Variants in FGD6 observed in about 807,000 individuals in gnomAD.
The protein encoded by FGD6 is FYVE, RhoGEF and PH domain-containing protein 6.
FGD6 carries 90 observed loss-of-function variants against 149.4 expected under a neutral mutation model. The observed-to-expected ratio is 0.60, with a 90% CI of 0.51 to 0.72. The LOEUF (loss-of-function observed/expected upper bound fraction) is 0.72, where lower values mean the gene tolerates loss of function less well. FGD6 is among the 30% of genes least tolerant of loss of function. The pLI is 0.00. For missense variants in FGD6, 1,437 were observed against 1,684.8 expected, an observed-to-expected ratio of 0.85 and a Z score of 2.57; for synonymous variants, 527 against 584.0, an observed-to-expected ratio of 0.90 and a Z score of 1.41.
At chr12:95,158,604 CACGGAT>C (rs1478196888) in intron 3 of FGD6, among the ~76,000 whole-genome samples, 2 of 152,106 alleles carry the variant, frequency 1.3e-5, no homozygotes, top group Non-Finnish European at 2.9e-5. Flanking sequence ...CACACACACA[CACGGAT>C]AACTGTTATT....
intron 16 of FGD6, among the ~76,000 whole-genome samples, chr12:95,092,120 G>A (rs922955328): frequency 3.3e-5 from 5 of 152,194 alleles, no homozygotes; most frequent in Non-Finnish European, 7.3e-5. Flanking sequence ...GGCCTGTGAG[G>A]TATACTGATC....
chr12:95,158,067 C>T (rs368974433), intron 3 of FGD6, among the ~76,000 whole-genome samples: 1 of 151,628 alleles, frequency 6.6e-6, no homozygotes, highest in African/African-American at 2.4e-5. Context: ...AGCATGGTCT[C>T]GATCTCCTGA....
rs546577298 is a variant in FGD6, at chr12:95,097,843, T to C, written c.3498-3149A>G. ...CTCACTTGTAAGGATGCACACTGAA[T>C]TGAGGTGAAACATGTATTAACATAT... On this transcript the variant is annotated intron_variant, in intron 14 of 20. Transcript: ENST00000343958. Among the ~76,000 whole-genome samples, 18 of 152,226 alleles carry C rather than the reference T, an allele frequency of 1.2e-4. No homozygotes were observed. The South Asian group carries it at 3.5e-3, about 30-fold the overall frequency.
chr12:95,216,054 A>G (rs758587544), intron 1 of FGD6, among the ~76,000 whole-genome samples: 5 of 152,236 alleles, frequency 3.3e-5, no homozygotes, highest in Non-Finnish European at 5.9e-5. Flanking sequence ...ATAAGTGCAT[A>G]TAACATCAAA....
chr12:95,210,516 G>A lies in FGD6; in HGVS notation c.768C>T (p.Cys256=). The A allele has an allele frequency of 1.2e-6, 2 of 1,613,872 alleles. No homozygotes were observed. The highest frequency in any genetic ancestry group is 2.7e-5 in the African/African-American group (2 of 75,022). Reference sequence around the variant, plus strand: ...TATTGCTTTTTTCACTGTCATCCTGGCAAGTTTCAAAATGTTCACATTCAT... The same window carrying A: ...TATTGCTTTTTTCACTGTCATCCTGACAAGTTTCAAAATGTTCACATTCAT... ...PSDECEHFET[C]QDDSEKSNNC... Residue 256 remains cysteine (C), a synonymous_variant, in exon 2 of 21, where the codon TGC becomes TGT. Transcript: ENST00000343958.
Position 95,210,336 on chromosome 12 carries a change from C to G in FGD6, c.948G>C (p.Lys316Asn). Residue 316 changes from lysine (K) to asparagine (N), a missense_variant, in exon 2 of 21, where the codon AAG becomes AAC. Around this residue, in one of 2 missense-constraint regions of FGD6, gnomAD observed 1,055 missense variants for 1,146.0 expected, o/e 0.92. Coordinates refer to ENST00000343958, the MANE Select transcript of FGD6 (RefSeq NM_018351.4). ...VPYTPKFPTPKPRKTRTARLL... is the reference protein window; with the variant it reads ...VPYTPKFPTPNPRKTRTARLL... ...GACGAGCAGTTCGTGTCTTTCTGGG[C>G]TTGGGAGTTGGAAATTTTGGGGTAT... 1 of 1,613,872 alleles carries G rather than the reference C, an allele frequency of 6.2e-7. No homozygotes were observed. The highest frequency in any genetic ancestry group is 1.1e-5 in the South Asian group (1 of 90,968).
chr12:95,109,254 A>C (rs1878733414), intron 9 of FGD6, among the ~76,000 whole-genome samples: 1 of 152,184 alleles, frequency 6.6e-6, no homozygotes, highest in African/African-American at 2.4e-5. Context: ...TAAAGGAAAA[A>C]GTCTGCATTT....
intron 15 of FGD6, 104 bp downstream of exon 15, chr12:95,094,488 A>G (rs1298656533): frequency 1.4e-6 from 1 of 738,604 alleles, no homozygotes; most frequent in Non-Finnish European, 2.3e-6. Flanking sequence ...TGTCCAGTCC[A>G]ATCATTTTCT....
At chr12:95,112,076 A>T (rs921848401) in intron 9 of FGD6, among the ~76,000 whole-genome samples, 1 of 151,832 alleles carries the variant, frequency 6.6e-6, no homozygotes, top group Admixed American at 6.6e-5. Context: ...TCTACAAAAA[A>T]TATAAAAATT....
intron 5 of FGD6, among the ~76,000 whole-genome samples, chr12:95,145,781 C>T (rs1043605069): frequency 6.6e-6 from 1 of 152,104 alleles, no homozygotes; most frequent in Non-Finnish European, 1.5e-5. Flanking sequence ...TCAAGCGATT[C>T]TACTGCCTCA....
intron 5 of FGD6, among the ~76,000 whole-genome samples, chr12:95,147,387 C>T (rs1880048217): frequency 6.6e-6 from 1 of 152,086 alleles, no homozygotes; most frequent in Non-Finnish European, 1.5e-5. Context: ...CTGTAGAAAA[C>T]ATAATTGAAA....
chr12:95,149,235 T>A (rs1409350844), intron 5 of FGD6, among the ~76,000 whole-genome samples: 2 of 34,712 alleles, frequency 5.8e-5, no homozygotes, highest in African/African-American at 1.4e-4. Flanking sequence ...AGCATATATA[T>A]TATATAATAT....
At chr12:95,199,191 T>C (rs752533071) in intron 2 of FGD6, among the ~76,000 whole-genome samples, 1 of 152,190 alleles carries the variant, frequency 6.6e-6, no homozygotes, top group Non-Finnish European at 1.5e-5. Context: ...GGTTTTGGAA[T>C]TTCCCATTTC....
intron 5 of FGD6, among the ~76,000 whole-genome samples, chr12:95,144,116 C>T (rs146517087): frequency 1.4e-3 from 212 of 152,248 alleles, no homozygotes; most frequent in African/African-American, 4.4e-3. Flanking sequence ...TTATTTAAGA[C>T]GCATTTAACA....
chr12:95,124,304 G>C (rs998010870), intron 8 of FGD6, among the ~76,000 whole-genome samples: 1 of 152,088 alleles, frequency 6.6e-6, no homozygotes, highest in Non-Finnish European at 1.5e-5. Flanking sequence ...TGGCACAGTC[G>C]AGCCACACTT....
intron 12 of FGD6, 114 bp downstream of exon 12, chr12:95,107,449 G>T (rs1878666619): frequency 3.3e-6 from 3 of 919,534 alleles, no homozygotes; most frequent in African/African-American, 1.7e-5. Flanking sequence ...AGTTCAAGAA[G>T]CTGGTGAGGC....
intron 20 of FGD6, 118 bp downstream of exon 20, chr12:95,084,380 T>TA (rs1241689379): frequency 9.8e-6 from 8 of 816,206 alleles, no homozygotes; most frequent in Non-Finnish European, 1.5e-5. Context: ...TCTTTCTAAT[T>TA]AAAATCTCTG....
At chr12:95,083,192 T>C (rs957674468) in intron 20 of FGD6, among the ~76,000 whole-genome samples, 2 of 151,186 alleles carry the variant, frequency 1.3e-5, no homozygotes, top group African/African-American at 2.4e-5. Context: ...ATAAATAGCA[T>C]GTTATACTGC....
intron 6 of FGD6, among the ~76,000 whole-genome samples, chr12:95,140,250 C>A (rs1048232994): frequency 1.3e-5 from 2 of 152,198 alleles, no homozygotes; most frequent in African/African-American, 2.4e-5. Context: ...AGTCACCAAG[C>A]CTCTGCATAC....
Sources: allele counts gnomAD v4.1 joint callset (sites outside exome capture counted in the v4.1 genomes callset), GRCh38; gene constraint gnomAD v4.1.1; regional missense constraint gnomAD v4.1.1; transcripts MANE v1.5; gene names NCBI Gene and HGNC (gene_info 2026-07-23, HGNC 2026-07-21).